NCS1: variants seen among roughly 807,000 people sequenced by gnomAD.
The protein encoded by NCS1 is frequenin homolog.
A neutral mutation model predicts 28.4 loss-of-function variants in NCS1; 6 were observed. That is an observed-to-expected ratio of 0.21 (90% CI 0.12 to 0.42). The LOEUF (loss-of-function observed/expected upper bound fraction) is 0.42. NCS1 is among the 10% of genes least tolerant of loss of function. The pLI is 1.00. For missense variants in NCS1, 131 were observed against 241.4 expected (o/e 0.54, Z 3.03); for synonymous variants, 86 against 99.3 (o/e 0.87, Z 0.79).
rs147556470 is a variant in NCS1, at chr9:130,232,826, T to C, written c.*18-164T>C. The stretch of plus-strand genomic sequence containing the variant: ...AAAAAAAACCAAAAAACCCAAAGGG[T>C]GCCTCAGAGGTTATGCACATTTTTA... On this transcript the variant is annotated intron_variant, in intron 7 of 7. Transcript: ENST00000372398. The surrounding 1 kb of genome is among the most constrained non-coding windows in gnomAD (Gnocchi z 4.4). 0.016 allele frequency among the ~76,000 whole-genome samples: 2,363 copies of C among 152,076 alleles called. 24 individuals are homozygous for C. The highest frequency in any genetic ancestry group is 0.022 in the Non-Finnish European group (1,498 of 68,002).
At chr9:130,199,989 CT>C (rs1424316043) in intron 1 of NCS1, among the ~76,000 whole-genome samples, 2 of 152,240 alleles carry the variant, frequency 1.3e-5, no homozygotes, top group Admixed American at 1.3e-4. Context: ...AAAACTTTCT[CT>C]TGGAAAATTC....
chr9:130,206,947 C>T (rs1264714649), intron 2 of NCS1, among the ~76,000 whole-genome samples: 1 of 152,142 alleles, frequency 6.6e-6, no homozygotes, highest in Admixed American at 6.5e-5. Flanking sequence ...CAGCTTCAGC[C>T]GAGGAAGTGG....
rs1306797831 is a variant in NCS1 at position 130,219,937 on chromosome 9, C to G, written c.307+134C>G. 8 of 968,624 alleles carry G rather than the reference C, an allele frequency of 8.3e-6. No individual in the cohort carries two copies. Among genetic ancestry groups the G allele is most frequent in the African/African-American group, 3.2e-5 (2 of 62,192 alleles). The allele number at this position is 968,624 out of a possible 1,614,324, so 60.0% of individuals were successfully genotyped here. ...ACCACAGATGGCGTCCCAGCTGTGT[C>G]TGCAGAGGGCAGGCCTGGGCCCTGG... On this transcript the variant is annotated intron_variant, in intron 4 of 7. Coordinates refer to ENST00000372398, the MANE Select transcript of NCS1 (RefSeq NM_014286.4). The surrounding 1 kb of genome is among the most constrained non-coding windows in gnomAD (Gnocchi z 5.7).
rs116130076 is a variant in NCS1 at position 130,213,586 on chromosome 9, T to C, written c.90-4246T>C. 5.1e-3 allele frequency among the ~76,000 whole-genome samples: 743 copies of C among 144,932 alleles called. 10 individuals carry two copies. The highest frequency in any genetic ancestry group is 0.042 in the South Asian group (191 of 4,562). ...GAGTCACCACGCCTGGCCCACCGGT[T>C]TTCTTTTCTTTTTTTTTGAGATGGA... On this transcript the variant is annotated intron_variant, in intron 2 of 7. Coordinates refer to ENST00000372398, the MANE Select transcript of NCS1 (RefSeq NM_014286.4).
intron 2 of NCS1, among the ~76,000 whole-genome samples, chr9:130,203,323 C>G (rs1182820714): frequency 6.6e-6 from 1 of 151,958 alleles, no homozygotes; most frequent in African/African-American, 2.4e-5. Flanking sequence ...GCCATGTTGG[C>G]CAGGCTGGTC....
At position 130,175,683 on chromosome 9, in the gene NCS1, G is replaced by A. The variant is rs1171399850; in HGVS notation, c.64+2956G>A. Among the ~76,000 whole-genome samples the A allele has an allele frequency of 6.6e-6, 1 of 152,070 alleles. No individual in the cohort carries two copies. Among genetic ancestry groups the A allele is most frequent in the African/African-American group, 2.4e-5 (1 of 41,414 alleles). On this transcript the variant is annotated intron_variant, in intron 1 of 7. Coordinates refer to ENST00000372398, the MANE Select transcript of NCS1 (RefSeq NM_014286.4). The surrounding 1 kb of genome is among the most constrained non-coding windows in gnomAD (Gnocchi z 4.9). ...TCTCTGGCTCTGTCTGTGGTGGTCT[G>A]TGTGTGTGAGGAAGCAGGAGTGTCT...
chr9:130,219,346 C>G lies in NCS1; in HGVS notation c.229-379C>G, dbSNP rs782081068. Among the ~76,000 whole-genome samples, 3 of 152,190 alleles carry G rather than the reference C, an allele frequency of 2.0e-5. No homozygotes were observed. Among genetic ancestry groups the G allele is most frequent in the Non-Finnish European group, 4.4e-5 (3 of 68,042 alleles). ...AATTAAACAACCTGCAGCGGCCTTT[C>G]CTCTGCAAAAGCCCATGAGCCCACA... On this transcript the variant is annotated intron_variant, in intron 3 of 7. Transcript: ENST00000372398. This position sits in a 1 kb window ranked among gnomAD's most constrained non-coding sequence, Gnocchi z 5.7.
rs942939500 is a variant in NCS1 at position 130,186,615 on chromosome 9, G to A, written c.64+13888G>A. ...CGAACCCCCAGCCCCAGGAAGGGGT[G>A]GGAGACACAGAGCTGGTCTCCATCA... is the stretch of plus-strand genomic sequence containing the variant. On this transcript the variant is annotated intron_variant, in intron 1 of 7. Transcript: ENST00000372398. This position sits in a 1 kb window ranked among gnomAD's most constrained non-coding sequence, Gnocchi z 4.1. 6.6e-6 allele frequency among the ~76,000 whole-genome samples: 1 copy of A among 152,160 alleles called. No individual in the cohort carries two copies. The highest frequency in any genetic ancestry group is 2.1e-4 in the South Asian group (1 of 4,822).
chr9:130,189,408 A>G (rs1832784897), intron 1 of NCS1, among the ~76,000 whole-genome samples: 1 of 152,142 alleles, frequency 6.6e-6, no homozygotes, highest in South Asian at 2.1e-4. Context: ...AGTGCCTTCC[A>G]CAATGTCTGA....
rs1434765812 is a variant in NCS1 at position 130,212,132 on chromosome 9, CCTT to C, written c.90-5697_90-5695del. Reference sequence around the variant, plus strand: ...GGCAAAGTGGGCGGGATTGGCCTCACCTTCTGGATGTTGGGACGATGGGGCAGA... The same window carrying C: ...GGCAAAGTGGGCGGGATTGGCCTCACCTGGATGTTGGGACGATGGGGCAGA... On this transcript the variant is annotated intron_variant, in intron 2 of 7. Transcript: ENST00000372398. Among the ~76,000 whole-genome samples, 12 of 152,288 alleles carry C rather than the reference CCTT, an allele frequency of 7.9e-5. No homozygotes were observed. The East Asian group carries it at 1.9e-3, about 25-fold the overall frequency.
chr9:130,214,093 T>C (rs372008012), intron 2 of NCS1, among the ~76,000 whole-genome samples: 1 of 152,122 alleles, frequency 6.6e-6, no homozygotes, highest in Non-Finnish European at 1.5e-5. Context: ...CTCATGCGGG[T>C]CATCAGGGCA....
intron 2 of NCS1, among the ~76,000 whole-genome samples, chr9:130,211,362 G>C (rs952662980): frequency 3.3e-5 from 5 of 151,540 alleles, no homozygotes; most frequent in African/African-American, 1.2e-4. Context: ...GCTGGACTCC[G>C]AGATCCTGCC....
In NCS1 at chr9:130,211,632, C is replaced by T. The variant is rs782452498; in HGVS notation, c.90-6200C>T. On this transcript the variant is annotated intron_variant, in intron 2 of 7. Coordinates refer to ENST00000372398, the MANE Select transcript of NCS1 (RefSeq NM_014286.4). Reference sequence around the variant, plus strand: ...GCCAGGAGAGCCGGTCCCTCTCTCCCCTTCCTGGTACCGAGCACAGAGGCA... The same window carrying T: ...GCCAGGAGAGCCGGTCCCTCTCTCCTCTTCCTGGTACCGAGCACAGAGGCA... Among the ~76,000 whole-genome samples, 18 of 152,158 alleles carry T rather than the reference C, an allele frequency of 1.2e-4. 1 individual carries two copies. Among genetic ancestry groups the T allele is most frequent in the South Asian group, 8.3e-4 (4 of 4,814 alleles).
intron 1 of NCS1, among the ~76,000 whole-genome samples, chr9:130,198,406 C>T (rs1469963855): frequency 6.6e-6 from 1 of 152,172 alleles, no homozygotes; most frequent in African/African-American, 2.4e-5. Context: ...GAGACAGTGG[C>T]CATGCCACCC....
intron 6 of NCS1, among the ~76,000 whole-genome samples, chr9:130,225,404 C>G (rs782741411): frequency 8.5e-5 from 13 of 152,256 alleles, no homozygotes; most frequent in East Asian, 1.9e-4. Flanking sequence ...AAAGATTTAT[C>G]GACAGAGTGT....
rs950484709 is a variant in NCS1 at position 130,208,132 on chromosome 9, C to T, written c.89+7150C>T. 7.5e-5 allele frequency among the ~76,000 whole-genome samples: 11 copies of T among 145,950 alleles called. No homozygotes were observed. In the South Asian group the frequency reaches 1.9e-3, roughly 25 times the overall value. On this transcript the variant is annotated intron_variant, in intron 2 of 7. Coordinates refer to ENST00000372398, the MANE Select transcript of NCS1 (RefSeq NM_014286.4). ...TGAGTGGAGACAGCAGGGTACACAC[C>T]GTCATCGGGCACCAGTCCATGATGG... is the stretch of plus-strand genomic sequence containing the variant.
In NCS1 at chr9:130,226,363, C is replaced by G; in HGVS notation, c.475-26C>G. ...AGCCCTCTCCTGGGAGGCCCTGCAC[C>G]CTCAGCCGCCTCTCTCTGCTCACAG... is the stretch of plus-strand genomic sequence containing the variant. On this transcript the variant is annotated intron_variant, in intron 6 of 7. Coordinates refer to ENST00000372398, the MANE Select transcript of NCS1 (RefSeq NM_014286.4). This position sits in a 1 kb window ranked among gnomAD's most constrained non-coding sequence, Gnocchi z 4.8. 6.2e-7 allele frequency: 1 copy of G among 1,600,998 alleles called. No individual in the cohort carries two copies. The highest frequency in any genetic ancestry group is 1.7e-4 in the Middle Eastern group (1 of 6,012).
chr9:130,229,679 T>C (rs143712196), intron 7 of NCS1, among the ~76,000 whole-genome samples: 4 of 152,356 alleles, frequency 2.6e-5, no homozygotes, highest in Non-Finnish European at 2.9e-5. Context: ...CATGACAAGC[T>C]TGTCAAAGTG....
intron 1 of NCS1, 118 bp downstream of exon 1, chr9:130,172,845 C>T (rs1832504075): frequency 2.3e-6 from 1 of 443,608 alleles, no homozygotes; most frequent in Admixed American, 5.1e-5. Context: ...GCTCCGTCCT[C>T]CCCGCCCGGC....
Sources: allele counts gnomAD v4.1 joint callset (sites outside exome capture counted in the v4.1 genomes callset), GRCh38; gene constraint gnomAD v4.1.1; non-coding constraint Gnocchi (gnomAD v3.1); transcripts MANE v1.5; gene names NCBI Gene and HGNC (gene_info 2026-07-23, HGNC 2026-07-21).